The following RARA variants were observed in gnomAD, a reference collection of about 807,000 sequenced individuals.
The protein encoded by RARA is retinoic acid receptor alpha.
RARA carries 5 observed loss-of-function variants against 42.8 expected under a neutral mutation model. The ratio of observed to expected loss-of-function variants is 0.12; its 90% CI spans 0.06 to 0.25. RARA has a LOEUF of 0.25. RARA is among the 10% of genes least tolerant of loss of function. RARA has a pLI of 1.00. For missense variants in RARA, 402 were observed against 628.7 expected (o/e 0.64, Z 3.86); for synonymous variants, 256 against 259.5 (o/e 0.99, Z 0.13).
In RARA at chr17:40,356,506, G is replaced by A; in HGVS notation, c.*280G>A. ...CTGGGTCTCAGGATGGGTCCTGGGG[G>A]CCTCGTGTTCATCAAGACACCCCTC... On this transcript the variant is annotated 3_prime_UTR_variant, in exon 9 of 9. Transcript: ENST00000254066. The A allele has an allele frequency of 1.5e-6, 1 of 668,930 alleles. No homozygotes were observed. The highest frequency in any genetic ancestry group is 2.8e-6 in the Non-Finnish European group (1 of 363,160). The allele number at this position is 668,930 out of a possible 1,614,324, so 41.4% of individuals were successfully genotyped here. A position where few individuals can be genotyped will look rare whatever the true frequency, so the allele number is the denominator to read the frequency against.
chr17:40,314,806 C>T lies in RARA; in HGVS notation c.-363+5520C>T, dbSNP rs544934613. 3.1e-3 allele frequency among the ~76,000 whole-genome samples: 475 copies of T among 151,622 alleles called. 2 individuals carry two copies. The highest frequency in any genetic ancestry group is 0.011 in the African/African-American group (449 of 41,300). On this transcript the variant is annotated intron_variant, in intron 1 of 8. Coordinates refer to ENST00000254066, the MANE Select transcript of RARA (RefSeq NM_000964.4). ...GGTAGGTGAGTCACTGCCCTGGCAT[C>T]TCCCCCGGATGCAGCTGAGTCACCC...
At chr17:40,313,996 TGA>T (rs2033144203) in intron 1 of RARA, among the ~76,000 whole-genome samples, 1 of 152,192 alleles carries the variant, frequency 6.6e-6, no homozygotes, top group South Asian at 2.1e-4. Context: ...GCCAGAGCAC[TGA>T]GCACAGGAAT....
chr17:40,341,924 C>G (rs1195686711), intron 2 of RARA: 2 of 1,117,646 alleles, frequency 1.8e-6, no homozygotes, highest in African/African-American at 1.6e-5. Context: ...ACTCTGTGTA[C>G]TCCTCATCTG....
chr17:40,342,922 C>G, intron 2 of RARA: 1 of 1,560,486 alleles, frequency 6.4e-7, no homozygotes. Flanking sequence ...GGCGGTAGGG[C>G]TTCCACTACT....
chr17:40,313,663 C>T (rs1368725325), intron 1 of RARA, among the ~76,000 whole-genome samples: 6 of 152,122 alleles, frequency 3.9e-5, no homozygotes, highest in Admixed American at 3.9e-4. Context: ...CTTAATCCAA[C>T]ACCCTCTCCC....
chr17:40,342,799 A>G (rs759669684), intron 2 of RARA: 2 of 1,612,730 alleles, frequency 1.2e-6, no homozygotes, highest in Non-Finnish European at 1.7e-6. Context: ...CTCCCAGAGA[A>G]GGGGCTCCCC....
At chr17:40,315,175 C>T (rs1306976873) in intron 1 of RARA, among the ~76,000 whole-genome samples, 64 of 126,050 alleles carry the variant, frequency 5.1e-4, no homozygotes, top group South Asian at 1.2e-3. Flanking sequence ...TATATATACA[C>T]ACACACACAC....
At position 40,330,882 on chromosome 17, in the gene RARA, C is replaced by G; in HGVS notation, c.-337C>G. ...CATCACAGGACATGGCCCCCTCAGC[C>G]ACCTAGCTGGGGCCCATCTAGGAGT... is the stretch of plus-strand genomic sequence containing the variant. On this transcript the variant is annotated 5_prime_UTR_variant, in exon 2 of 9. Coordinates refer to ENST00000254066, the MANE Select transcript of RARA (RefSeq NM_000964.4). 3.3e-6 allele frequency: 1 copy of G among 299,714 alleles called. No individual in the cohort carries two copies. Among genetic ancestry groups the G allele is most frequent in the Non-Finnish European group, 6.2e-6 (1 of 161,076 alleles). 18.6% of individuals were successfully genotyped at this position (299,714 alleles called of 1,614,324 possible).
rs1297771819 is a variant in RARA at position 40,356,330 on chromosome 17, C to G, written c.*104C>G. The G allele has an allele frequency of 1.4e-5, 18 of 1,258,922 alleles. No homozygotes were observed. The highest frequency in any genetic ancestry group is 1.8e-4 in the Middle Eastern group (1 of 5,488). 78.0% of individuals were successfully genotyped at this position (1,258,922 alleles called of 1,614,324 possible). On this transcript the variant is annotated 3_prime_UTR_variant, in exon 9 of 9. Coordinates refer to ENST00000254066, the MANE Select transcript of RARA (RefSeq NM_000964.4). ...ACCAGCCCTGCCCCCACCTGCCCTC[C>G]CGGGCAGTACTGGGGACCTTCCCTG...
In RARA at chr17:40,348,464, G is replaced by A; in HGVS notation, c.327G>A (p.Lys109=). ...HYGVSACEGC[K]GFFRRSIQKN... ...GGGTCAGCGCCTGTGAGGGCTGCAA[G>A]GTGAGTTGAAGGGGTCATTGGGAAG... Residue 109 remains lysine, a splice_region_variant and synonymous_variant, in exon 3 of 9, where the codon AAG becomes AAA. Coordinates refer to ENST00000254066, the MANE Select transcript of RARA (RefSeq NM_000964.4). 6.2e-7 allele frequency: 1 copy of A among 1,611,862 alleles called. No individual in the cohort carries two copies. Among genetic ancestry groups the A allele is most frequent in the Non-Finnish European group, 8.5e-7 (1 of 1,178,916 alleles).
In RARA at chr17:40,348,405, G is replaced by A; in HGVS notation, c.268G>A (p.Val90Ile). The A allele has an allele frequency of 6.2e-7, 1 of 1,613,842 alleles. No individual in the cohort carries two copies. The highest frequency in any genetic ancestry group is 8.5e-7 in the Non-Finnish European group (1 of 1,179,830). The change falls in exon 3 of 9, where the codon GTC (valine) becomes ATC (isoleucine). Residue 90 changes from valine to isoleucine, a missense_variant. Coordinates refer to ENST00000254066, the MANE Select transcript of RARA (RefSeq NM_000964.4). Reference sequence around the variant, plus strand: ...ACCCCGCATCTACAAGCCTTGCTTTGTCTGTCAGGACAAGTCCTCAGGCTA... The same window carrying A: ...ACCCCGCATCTACAAGCCTTGCTTTATCTGTCAGGACAAGTCCTCAGGCTA... ...PLPRIYKPCFVCQDKSSGYHY... is the reference protein window; with the variant it reads ...PLPRIYKPCFICQDKSSGYHY...
chr17:40,345,548 C>T lies in RARA; in HGVS notation c.179-2768C>T, dbSNP rs2034236105. 6.6e-6 allele frequency among the ~76,000 whole-genome samples: 1 copy of T among 152,200 alleles called. No individual in the cohort carries two copies. The highest frequency in any genetic ancestry group is 1.5e-5 in the Non-Finnish European group (1 of 68,010). On this transcript the variant is annotated intron_variant, in intron 2 of 8. Coordinates refer to ENST00000254066, the MANE Select transcript of RARA (RefSeq NM_000964.4). This position sits in a 1 kb window ranked among gnomAD's most constrained non-coding sequence, Gnocchi z 4.8. ...CCGCCCGCCCTGCCAGGATGGGGAG[C>T]GAGGGAGGGGCACCCTGGCAGCGTC...
In RARA at chr17:40,315,266, C is replaced by A. The variant is rs534066455; in HGVS notation, c.-363+5980C>A. Among the ~76,000 whole-genome samples the A allele has an allele frequency of 1.1e-4, 16 of 150,416 alleles. 1 individual carries two copies. In the South Asian group the frequency reaches 3.4e-3, roughly 32 times the overall value. On this transcript the variant is annotated intron_variant, in intron 1 of 8. Coordinates refer to ENST00000254066, the MANE Select transcript of RARA (RefSeq NM_000964.4). Reference sequence around the variant, plus strand: ...TGTTGCCCAGACAGGTCTTGAACTCCTGGAGTCAAGCAACTCCTGGCGTCC... The same window carrying A: ...TGTTGCCCAGACAGGTCTTGAACTCATGGAGTCAAGCAACTCCTGGCGTCC...
intron 2 of RARA, among the ~76,000 whole-genome samples, chr17:40,337,361 C>T (rs909632499): frequency 9.9e-5 from 15 of 152,210 alleles, no homozygotes; most frequent in African/African-American, 2.2e-4. Flanking sequence ...TACCTTTCCC[C>T]GGTAGGGGGT....
chr17:40,314,797 C>T (rs1024923237), intron 1 of RARA, among the ~76,000 whole-genome samples: 1 of 151,890 alleles, frequency 6.6e-6, no homozygotes, highest in Non-Finnish European at 1.5e-5. Context: ...TGAGTCACTG[C>T]CCTGGCATCT....
At chr17:40,342,331 G>C (rs998730534) in intron 2 of RARA, 1 of 1,073,708 alleles carries the variant, frequency 9.3e-7, no homozygotes, top group Non-Finnish European at 1.1e-6. Context: ...CCAGCCCCGC[G>C]CTGATCCCGC....
chr17:40,341,667 T>C, intron 2 of RARA: 1 of 1,343,576 alleles, frequency 7.4e-7, no homozygotes, highest in Non-Finnish European at 9.5e-7. Flanking sequence ...CAGCGAGAGT[T>C]CAGCCGCATT....
chr17:40,353,569 G>C (rs944450173), intron 6 of RARA, among the ~76,000 whole-genome samples: 2 of 152,160 alleles, frequency 1.3e-5, no homozygotes, highest in African/African-American at 2.4e-5. Context: ...CGATTCTCCT[G>C]CCTCAGCCTC....
At chr17:40,350,640 C>A in intron 4 of RARA, 1 of 150,564 alleles carries the variant, frequency 6.6e-6, no homozygotes, top group Non-Finnish European at 1.5e-5. Flanking sequence ...GAGCCTGAGC[C>A]TTGGGGGATG....
Sources: gnomAD v4.1 joint callset for allele counts (sites outside exome capture counted in the v4.1 genomes callset) on GRCh38, gnomAD v4.1.1 for gene constraint, Gnocchi (gnomAD v3.1) non-coding constraint, MANE v1.5 for transcripts, NCBI Gene and HGNC (gene_info 2026-07-23, HGNC 2026-07-21) for gene names.